Variants in DPY19L2 observed in about 807,000 individuals in gnomAD.
DPY19L2 encodes the protein probable C-mannosyltransferase DPY19L2.
A neutral mutation model predicts 97.9 loss-of-function variants in DPY19L2; 34 were observed. That is an observed-to-expected ratio of 0.35 (90% confidence interval 0.26 to 0.46). The LOEUF is 0.46. DPY19L2 is among the 20% of genes least tolerant of loss of function. The probability of loss-of-function intolerance (pLI) is 1.00; values close to 1 mark genes in which losing one functional copy is unlikely to be tolerated. For missense variants in DPY19L2, 623 were observed against 911.4 expected (o/e 0.68, Z 4.07); for synonymous variants, 230 against 307.9 (o/e 0.75, Z 2.65).
chr12:63,661,992 A>C (rs149513537), intron 3 of DPY19L2, among the ~76,000 whole-genome samples: 10,713 of 152,238 alleles, frequency 0.07, 411 homozygotes, highest in Middle Eastern at 0.095. Flanking sequence ...AGCTCCATCT[A>C]ATCCTCTGTG....
chr12:63,663,155 G>A lies in DPY19L2; in HGVS notation c.450+603C>T, dbSNP rs1044326613. ...AGTTTCAATGCTTCACTAGGCCCCC[G>A]ACCAGCTGTGAGCAGATCTGGAAGA... is the stretch of plus-strand genomic sequence containing the variant. On this transcript the variant is annotated intron_variant, in intron 3 of 21. Coordinates refer to ENST00000324472, the MANE Select transcript of DPY19L2 (RefSeq NM_173812.5). Among the ~76,000 whole-genome samples, 5 of 152,080 alleles carry A rather than the reference G, an allele frequency of 3.3e-5. No homozygotes were observed. The East Asian group carries it at 7.7e-4, about 23-fold the overall frequency.
At chr12:63,590,353 A>C (rs1296638442) in intron 16 of DPY19L2, among the ~76,000 whole-genome samples, 1 of 152,110 alleles carries the variant, frequency 6.6e-6, no homozygotes, top group Admixed American at 6.5e-5. Flanking sequence ...AGTTTTAACA[A>C]ATTCTAAAAT....
At chr12:63,596,158 G>T (rs1174957576) in intron 14 of DPY19L2, 121 bp from the exon 15 acceptor site, 3 of 593,780 alleles carry the variant, frequency 5.1e-6, no homozygotes, top group Admixed American at 3.9e-5. Context: ...AAATTTCTTT[G>T]TCATCAGCAG....
At chr12:63,625,458 G>A (rs186074643) in intron 7 of DPY19L2, among the ~76,000 whole-genome samples, 1 of 150,748 alleles carries the variant, frequency 6.6e-6, no homozygotes, top group East Asian at 1.9e-4. Context: ...TAAATGTATT[G>A]CTCCCAAGAG....
Position 63,644,397 on chromosome 12 carries a change from T to A in DPY19L2, c.803+6A>T, listed in dbSNP as rs561376291. On this transcript the variant is annotated splice_donor_region_variant and intron_variant, in intron 6 of 21. Coordinates refer to ENST00000324472, the MANE Select transcript of DPY19L2 (RefSeq NM_173812.5). ...GAAAGGTCTCTTAATTCAGTAGTAGTCTTACCTCAGGTATGCTCCATACAT... is the reference window on the plus strand; with the variant it reads ...GAAAGGTCTCTTAATTCAGTAGTAGACTTACCTCAGGTATGCTCCATACAT... The A allele has an allele frequency of 6.2e-7, 1 of 1,604,358 alleles. No individual in the cohort carries two copies. Among genetic ancestry groups the A allele is most frequent in the Non-Finnish European group, 8.5e-7 (1 of 1,177,118 alleles).
chr12:63,638,579 G>A (rs1448983613), intron 6 of DPY19L2, among the ~76,000 whole-genome samples: 1 of 152,064 alleles, frequency 6.6e-6, no homozygotes, highest in Non-Finnish European at 1.5e-5. Flanking sequence ...CAAACAGAGA[G>A]CCAAATCATG....
intron 16 of DPY19L2, 137 bp downstream of exon 16, chr12:63,593,950 A>G: frequency 3.7e-6 from 2 of 545,578 alleles, no homozygotes; most frequent in South Asian, 5.8e-5. Context: ...TTAAGGAAAC[A>G]TTTAAGTTTG....
chr12:63,654,023 A>T (rs7300474), intron 4 of DPY19L2, among the ~76,000 whole-genome samples: 63,133 of 151,680 alleles, frequency 0.42, 13,120 homozygotes, highest in South Asian at 0.47. Context: ...AAACAAATTT[A>T]AAAAAATGCA....
intron 4 of DPY19L2, among the ~76,000 whole-genome samples, chr12:63,652,732 T>A (rs1592738230): frequency 1.3e-5 from 2 of 152,274 alleles, no homozygotes; most frequent in East Asian, 3.9e-4. Context: ...TGAGTACACA[T>A]GGACACAAAG....
chr12:63,646,252 G>A (rs561721871), intron 5 of DPY19L2, among the ~76,000 whole-genome samples: 8 of 152,068 alleles, frequency 5.3e-5, no homozygotes, highest in Non-Finnish European at 1.2e-4. Flanking sequence ...TCACTTATTG[G>A]GAATGTAACT....
chr12:63,595,496 C>A (rs1884054070), intron 15 of DPY19L2, among the ~76,000 whole-genome samples: 1 of 152,166 alleles, frequency 6.6e-6, no homozygotes, highest in Non-Finnish European at 1.5e-5. Flanking sequence ...ATACAGATTT[C>A]TTCTACGCAG....
In DPY19L2 at chr12:63,637,589, C is replaced by T. The variant is rs544964462; in HGVS notation, c.803+6814G>A. On this transcript the variant is annotated intron_variant, in intron 6 of 21. Coordinates refer to ENST00000324472, the MANE Select transcript of DPY19L2 (RefSeq NM_173812.5). ...TCAGAGAATTCTATAAACACCTCTA[C>T]TATAAACTAGAAAATCTAGAAGAAA... is the stretch of plus-strand genomic sequence containing the variant. Among the ~76,000 whole-genome samples, 8 of 151,558 alleles carry T rather than the reference C, an allele frequency of 5.3e-5. No individual in the cohort carries two copies. The South Asian group carries it at 1.2e-3, about 24-fold the overall frequency.
chr12:63,650,423 T>C (rs1442998553), intron 4 of DPY19L2, among the ~76,000 whole-genome samples: 2 of 152,106 alleles, frequency 1.3e-5, no homozygotes, highest in African/African-American at 4.8e-5. Context: ...GAAAGCCCCA[T>C]AGTCTCTTAC....
At chr12:63,662,263 C>T (rs1473332459) in intron 3 of DPY19L2, among the ~76,000 whole-genome samples, 1 of 152,094 alleles carries the variant, frequency 6.6e-6, no homozygotes, top group Non-Finnish European at 1.5e-5. Flanking sequence ...GTTTAAAATG[C>T]ATTCTCCCTA....
At chr12:63,593,647 G>T (rs1883574172) in intron 16 of DPY19L2, among the ~76,000 whole-genome samples, 1 of 152,060 alleles carries the variant, frequency 6.6e-6, no homozygotes, top group Admixed American at 6.5e-5. Flanking sequence ...TTGTGGGGTA[G>T]GGGGAGAGGG....
At chr12:63,573,939 A>T (rs1879357673) in intron 19 of DPY19L2, among the ~76,000 whole-genome samples, 1 of 152,144 alleles carries the variant, frequency 6.6e-6, no homozygotes, top group Non-Finnish European at 1.5e-5. Context: ...GGAGATCTTC[A>T]ATCTGAAAGA....
intron 20 of DPY19L2, chr12:63,569,592 T>C: frequency 4.2e-6 from 1 of 238,384 alleles, no homozygotes; most frequent in Non-Finnish European, 8.3e-6. Flanking sequence ...TAAGATAGTC[T>C]AAAGTTGTAC....
chr12:63,596,032 C>T lies in DPY19L2; in HGVS notation c.1467G>A (p.Pro489=), dbSNP rs1288562624. 1.9e-5 allele frequency: 31 copies of T among 1,599,324 alleles called. No homozygotes were observed. The highest frequency in any genetic ancestry group is 8.6e-5 in the Admixed American group (5 of 58,330). Residue 489 remains proline, a synonymous_variant, in exon 15 of 22, where the codon CCG becomes CCA. Coordinates refer to ENST00000324472, the MANE Select transcript of DPY19L2 (RefSeq NM_173812.5). ...GCAATAATGTCTTTGTGTATCTCAG[C>T]GGAGTCTGAAATATACCAAATTATT... ...PEFDFMEKAT[P]LRYTKTLLLP... is the part of the protein sequence containing the mutation.
intron 6 of DPY19L2, among the ~76,000 whole-genome samples, chr12:63,635,735 G>C (rs1387914213): frequency 6.6e-6 from 1 of 151,796 alleles, no homozygotes; most frequent in African/African-American, 2.4e-5. Flanking sequence ...GAAGTTTAGA[G>C]TAAAAAGAAA....
Sources: gnomAD v4.1 joint callset for allele counts (sites outside exome capture counted in the v4.1 genomes callset) on GRCh38, gnomAD v4.1.1 for gene constraint, MANE v1.5 for transcripts, NCBI Gene and HGNC (gene_info 2026-07-23, HGNC 2026-07-21) for gene names.